The following VLDLR variants were observed in gnomAD, a reference collection of about 807,000 sequenced individuals.
VLDLR encodes very low-density lipoprotein receptor.
Under a neutral mutation model 112.7 loss-of-function variants are expected in VLDLR, and 81 were observed. That is an observed-to-expected ratio of 0.72 (90% confidence interval 0.60 to 0.86). The LOEUF (loss-of-function observed/expected upper bound fraction) is 0.86, where lower values mean the gene tolerates loss of function less well. Ranked by LOEUF, VLDLR falls within the 40% of genes least tolerant of loss-of-function variation. The probability of loss-of-function intolerance (pLI) is 0.00; values close to 1 mark genes in which losing one functional copy is unlikely to be tolerated. For missense variants in VLDLR, 1,237 were observed against 1,099.4 expected (o/e 1.13, Z -1.77); for synonymous variants, 436 against 384.8 (o/e 1.13, Z -1.56).
Position 2,658,683 on chromosome 9 carries a change from C to G in VLDLR, c.*4815C>G, listed in dbSNP as rs547902871. The G allele has an allele frequency of 1.3e-5, 2 of 152,268 alleles. No homozygotes were observed. The highest frequency in any genetic ancestry group is 3.9e-4 in the East Asian group (2 of 5,182). 9.4% of individuals were successfully genotyped at this position (152,268 alleles called of 1,614,324 possible). ...AGGTAAGATTTAAGTGAGATGCACA[C>G]AAAAAGCTCAGCACAGTGTCTGGCA... On this transcript the variant is annotated 3_prime_UTR_variant, in exon 19 of 19. Transcript: ENST00000382100.
chr9:2,647,878 C>T (rs1466746277), intron 12 of VLDLR: 4 of 570,510 alleles, frequency 7.0e-6, no homozygotes, highest in Non-Finnish European at 9.3e-6. Flanking sequence ...GCATGAGTGC[C>T]TTAGCATTTC....
chr9:2,644,089 G>T, intron 7 of VLDLR, 130 bp downstream of exon 7: 1 of 1,363,426 alleles, frequency 7.3e-7, no homozygotes, highest in South Asian at 1.2e-5. Flanking sequence ...GTAGACTTCA[G>T]AGTGAAACTT....
Position 2,649,817 on chromosome 9 carries a change from G to A in VLDLR, c.2105-553G>A, listed in dbSNP as rs905438934. On this transcript the variant is annotated intron_variant, in intron 14 of 18. Coordinates refer to ENST00000382100, the MANE Select transcript of VLDLR (RefSeq NM_003383.5). ...TAGGACTTCATTATATGAATTTTAG[G>A]GAGGAACACCATTCAACTCATAACA... is the stretch of plus-strand genomic sequence containing the variant. 5.1e-4 allele frequency among the ~76,000 whole-genome samples: 78 copies of A among 152,116 alleles called. 1 individual carries two copies. The highest frequency in any genetic ancestry group is 1.3e-4 in the Non-Finnish European group (9 of 68,034).
chr9:2,651,411 T>A lies in VLDLR; in HGVS notation c.2252-4T>A. 1 of 1,613,686 alleles carries A rather than the reference T, an allele frequency of 6.2e-7. No individual in the cohort carries two copies. Among genetic ancestry groups the A allele is most frequent in the Non-Finnish European group, 8.5e-7 (1 of 1,179,734 alleles). On this transcript the variant is annotated splice_polypyrimidine_tract_variant and splice_region_variant and intron_variant, in intron 15 of 18. Coordinates refer to ENST00000382100, the MANE Select transcript of VLDLR (RefSeq NM_003383.5). Reference sequence around the variant, plus strand: ...TAACCAGGTTCTTGGTTTTTATAATTCAGGTACTGCAACTACTGTGACTTA... The same window carrying A: ...TAACCAGGTTCTTGGTTTTTATAATACAGGTACTGCAACTACTGTGACTTA...
At chr9:2,626,769 T>C (rs1345225388) in intron 1 of VLDLR, among the ~76,000 whole-genome samples, 2 of 151,582 alleles carry the variant, frequency 1.3e-5, no homozygotes, top group African/African-American at 4.9e-5. Context: ...CCAAGGGACA[T>C]AACAAAGCCT....
chr9:2,643,218 G>T lies in VLDLR; in HGVS notation c.507G>T (p.Arg169Ser). 6.2e-7 allele frequency: 1 copy of T among 1,614,056 alleles called. No individual in the cohort carries two copies. Reference protein sequence around the residue: ...FTCSSGRCISRNFVCNGQDDC... With the variant: ...FTCSSGRCISSNFVCNGQDDC... ...GCTCCAGTGGCCGCTGCATCTCCAG[G>T]AACTTTGTATGCAATGGCCAGGATG... The change falls in exon 5 of 19, where the codon AGG (arginine) becomes AGT (serine). Residue 169 changes from arginine to serine, a missense_variant. Coordinates refer to ENST00000382100, the MANE Select transcript of VLDLR (RefSeq NM_003383.5).
rs1172361209 is a variant in VLDLR, at chr9:2,659,701, T to A, written c.*5833T>A. ...GGAAGAACTGTGGCTTGTAACTCAA[T>A]GATGCTATAACTCCAGCACTGGATC... On this transcript the variant is annotated 3_prime_UTR_variant, in exon 19 of 19. Transcript: ENST00000382100. The A allele has an allele frequency of 6.6e-6, 1 of 152,220 alleles. No homozygotes were observed. Among genetic ancestry groups the A allele is most frequent in the African/African-American group, 2.4e-5 (1 of 41,468 alleles). The allele number at this position is 152,220 out of a possible 1,614,324, so 9.4% of individuals were successfully genotyped here. A position where few individuals can be genotyped will look rare whatever the true frequency, so the allele number is the denominator to read the frequency against.
At position 2,653,708 on chromosome 9, in the gene VLDLR, T is replaced by A. The variant is rs144675398; in HGVS notation, c.2587-125T>A. The stretch of plus-strand genomic sequence containing the variant: ...AACTCAGTATTCTTTTGTATCTGAC[T>A]GACTTTTCTTCTAAGCACTCTGAGT... On this transcript the variant is annotated intron_variant, in intron 18 of 18. Transcript: ENST00000382100. The A allele has an allele frequency of 2.1e-3, 2,011 of 959,976 alleles. 38 individuals carry two copies. The African/African-American group carries it at 0.029, about 14-fold the overall frequency. The allele number at this position is 959,976 out of a possible 1,614,324, so 59.5% of individuals were successfully genotyped here. A position where few individuals can be genotyped will look rare whatever the true frequency, so the allele number is the denominator to read the frequency against.
At chr9:2,638,077 G>A (rs1817675031) in intron 2 of VLDLR, among the ~76,000 whole-genome samples, 1 of 152,214 alleles carries the variant, frequency 6.6e-6, no homozygotes, top group Non-Finnish European at 1.5e-5. Flanking sequence ...TAACCCTGCA[G>A]ACCCTCTGAC....
In VLDLR at chr9:2,625,478, C is replaced by G. The variant is rs565277986; in HGVS notation, c.82+3207C>G. 2.0e-5 allele frequency among the ~76,000 whole-genome samples: 3 copies of G among 152,284 alleles called. No homozygotes were observed. The South Asian group carries it at 6.2e-4, about 32-fold the overall frequency. On this transcript the variant is annotated intron_variant, in intron 1 of 18. Transcript: ENST00000382100. ...TAAGACAAGGCAGTTGCCTACGTGA[C>G]TTAAAGTAATGATTGCATTCACTTT...
At chr9:2,625,598 G>A (rs1254345140) in intron 1 of VLDLR, among the ~76,000 whole-genome samples, 3 of 152,158 alleles carry the variant, frequency 2.0e-5, no homozygotes, top group East Asian at 3.8e-4. Context: ...AATGATGTTC[G>A]TTGTAAATGT....
rs1020312923 is a variant in VLDLR at position 2,659,557 on chromosome 9, G to A, written c.*5689G>A. 6.6e-6 allele frequency: 1 copy of A among 152,216 alleles called. No individual in the cohort carries two copies. Among genetic ancestry groups the A allele is most frequent in the Non-Finnish European group, 1.5e-5 (1 of 68,038 alleles). The allele number at this position is 152,216 out of a possible 1,614,324, so 9.4% of individuals were successfully genotyped here. A position where few individuals can be genotyped will look rare whatever the true frequency, so the allele number is the denominator to read the frequency against. ...AGAAAATGATAAAGATTCCCTAAAG[G>A]AATTTATAAGCAGGCAACTTCATTC... On this transcript the variant is annotated 3_prime_UTR_variant, in exon 19 of 19. Coordinates refer to ENST00000382100, the MANE Select transcript of VLDLR (RefSeq NM_003383.5).
chr9:2,636,321 A>T (rs965253341), intron 2 of VLDLR, among the ~76,000 whole-genome samples: 6 of 152,212 alleles, frequency 3.9e-5, no homozygotes, highest in Non-Finnish European at 8.8e-5. Flanking sequence ...ACAATATTCT[A>T]TGTGAATATT....
chr9:2,653,723 G>C (rs1818462812), intron 18 of VLDLR, 110 bp from the exon 19 acceptor site: 1 of 1,114,050 alleles, frequency 9.0e-7, no homozygotes, highest in Non-Finnish European at 1.4e-6. Flanking sequence ...TTTCTTCTAA[G>C]CACTCTGAGT....
intron 1 of VLDLR, among the ~76,000 whole-genome samples, chr9:2,628,909 G>C (rs1277213932): frequency 6.6e-6 from 1 of 152,206 alleles, no homozygotes; most frequent in Admixed American, 6.5e-5. Context: ...TGTCCCTCCT[G>C]TGATGAACAT....
chr9:2,644,903 T>C, intron 8 of VLDLR, 50 bp downstream of exon 8: 4 of 1,614,022 alleles, frequency 2.5e-6, no homozygotes, highest in Non-Finnish European at 3.4e-6. Context: ...GAAAGGATAG[T>C]ATGTACCTAG....
rs773347964 is a variant in VLDLR at position 2,622,188 on chromosome 9, C to T, written c.-2C>T. The T allele has an allele frequency of 1.3e-6, 2 of 1,497,418 alleles. No homozygotes were observed. Among genetic ancestry groups the T allele is most frequent in the South Asian group, 2.5e-5 (2 of 78,884 alleles). The allele number at this position is 1,497,418 out of a possible 1,614,324, so 92.8% of individuals were successfully genotyped here. A position where few individuals can be genotyped will look rare whatever the true frequency, so the allele number is the denominator to read the frequency against. ...GGCGGCGGCACCATCCAGGCGGGCACCATGGGCACGTCCGCGCTCTGGGCG... is the reference window on the plus strand; with the variant it reads ...GGCGGCGGCACCATCCAGGCGGGCATCATGGGCACGTCCGCGCTCTGGGCG... On this transcript the variant is annotated 5_prime_UTR_variant, in exon 1 of 19. Transcript: ENST00000382100.
In VLDLR at chr9:2,654,007, G is replaced by A. The variant is rs1818483228; in HGVS notation, c.*139G>A. 2 of 834,628 alleles carry A rather than the reference G, an allele frequency of 2.4e-6. No homozygotes were observed. Among genetic ancestry groups the A allele is most frequent in the Admixed American group, 2.1e-5 (1 of 47,482 alleles). 51.7% of individuals were successfully genotyped at this position (834,628 alleles called of 1,614,324 possible). A position where few individuals can be genotyped will look rare whatever the true frequency, so the allele number is the denominator to read the frequency against. On this transcript the variant is annotated 3_prime_UTR_variant, in exon 19 of 19. Coordinates refer to ENST00000382100, the MANE Select transcript of VLDLR (RefSeq NM_003383.5). ...AGATACCTTTGCGTGGATCAAGCTT[G>A]TGTACTTGACCGTTTTTATATTACT...
chr9:2,657,911 A>G lies in VLDLR; in HGVS notation c.*4043A>G, dbSNP rs779004298. On this transcript the variant is annotated 3_prime_UTR_variant, in exon 19 of 19. Coordinates refer to ENST00000382100, the MANE Select transcript of VLDLR (RefSeq NM_003383.5). ...TACTCGAGTAAATATCCTAACAAGTATGATTTTTCTTGGGAAAACTAAAAA... is the reference window on the plus strand; with the variant it reads ...TACTCGAGTAAATATCCTAACAAGTGTGATTTTTCTTGGGAAAACTAAAAA... 4.6e-5 allele frequency: 7 copies of G among 152,340 alleles called. No homozygotes were observed. The highest frequency in any genetic ancestry group is 7.2e-5 in the African/African-American group (3 of 41,578). The allele number at this position is 152,340 out of a possible 1,614,324, so 9.4% of individuals were successfully genotyped here. A position where few individuals can be genotyped will look rare whatever the true frequency, so the allele number is the denominator to read the frequency against.
Sources: gnomAD v4.1 joint callset for allele counts (sites outside exome capture counted in the v4.1 genomes callset) on GRCh38, gnomAD v4.1.1 for gene constraint, MANE v1.5 for transcripts, NCBI Gene and HGNC (gene_info 2026-07-23, HGNC 2026-07-21) for gene names.